Variants in MTUS2 observed in about 807,000 individuals in gnomAD.
MTUS2 encodes microtubule associated scaffold protein 2.
A neutral mutation model predicts 114.1 loss-of-function variants in MTUS2; 40 were observed. The observed-to-expected ratio is 0.35, with a 90% CI of 0.27 to 0.46. The LOEUF (loss-of-function observed/expected upper bound fraction) is 0.46. Among genes scored for constraint, MTUS2 ranks in the 20% least tolerant of loss-of-function variants. The probability of loss-of-function intolerance (pLI) is 1.00; values close to 1 mark genes in which losing one functional copy is unlikely to be tolerated. For missense variants in MTUS2, 1,679 were observed against 1,705.4 expected, an observed-to-expected ratio of 0.98 and a Z score of 0.27; for synonymous variants, 688 against 672.0, an observed-to-expected ratio of 1.02 and a Z score of -0.37.
At chr13:29,019,187 G>A (rs924179272) in intron 2 of MTUS2, among the ~76,000 whole-genome samples, 1 of 152,060 alleles carries the variant, frequency 6.6e-6, no homozygotes, top group African/African-American at 2.4e-5. Flanking sequence ...TGATGCTCTC[G>A]TGGACAAGAT....
intron 2 of MTUS2, among the ~76,000 whole-genome samples, chr13:29,004,946 C>T (rs373894341): frequency 3.3e-5 from 5 of 152,122 alleles, no homozygotes; most frequent in Admixed American, 6.5e-5. Context: ...GTGCAGTTGT[C>T]GAGTGCTTGA....
At chr13:28,897,963 A>C (rs913799845) in intron 2 of MTUS2, among the ~76,000 whole-genome samples, 3 of 151,768 alleles carry the variant, frequency 2.0e-5, no homozygotes, top group Non-Finnish European at 2.9e-5. Flanking sequence ...TGACGAGTTA[A>C]TGGGTGCAGC....
chr13:29,469,693 G>A (rs145726888), intron 9 of MTUS2, among the ~76,000 whole-genome samples: 170 of 151,614 alleles, frequency 1.1e-3, no homozygotes, highest in African/African-American at 4.0e-3. Flanking sequence ...CATAATCCCA[G>A]AAATTTGGAA....
At chr13:28,828,083 G>A (rs188435716) in intron 1 of MTUS2, among the ~76,000 whole-genome samples, 15 of 152,232 alleles carry the variant, frequency 9.9e-5, no homozygotes, top group East Asian at 5.8e-4. Context: ...ATCCACAACC[G>A]TAAAAGACAG....
intron 2 of MTUS2, among the ~76,000 whole-genome samples, chr13:28,922,959 T>G (rs895949102): frequency 6.6e-6 from 1 of 152,226 alleles, no homozygotes; most frequent in African/African-American, 2.4e-5. Flanking sequence ...TTTCCTTTCC[T>G]TCTGAAACTC....
intron 11 of MTUS2, among the ~76,000 whole-genome samples, chr13:29,490,578 T>G (rs1054056731): frequency 6.6e-6 from 1 of 152,280 alleles, no homozygotes; most frequent in African/African-American, 2.4e-5. Context: ...ATGACACTTT[T>G]CACGGAACAG....
At chr13:28,988,146 A>G (rs1023672102) in intron 2 of MTUS2, among the ~76,000 whole-genome samples, 1 of 152,266 alleles carries the variant, frequency 6.6e-6, no homozygotes, top group African/African-American at 2.4e-5. Flanking sequence ...AAGAAACAGC[A>G]TAAGAATCCA....
At chr13:29,298,327 G>A (rs561459401) in intron 6 of MTUS2, among the ~76,000 whole-genome samples, 1 of 152,206 alleles carries the variant, frequency 6.6e-6, no homozygotes, top group South Asian at 2.1e-4. Flanking sequence ...ACATTCCCTG[G>A]GAATAGGCTG....
At chr13:29,376,039 ATG>A (rs71090249) in intron 8 of MTUS2, among the ~76,000 whole-genome samples, 28,586 of 126,322 alleles carry the variant, frequency 0.23, 2,881 homozygotes, top group Middle Eastern at 0.28. Context: ...ATATATATAT[ATG>A]TGTGTGTGTG....
chr13:29,424,368 G>A (rs1593428938), intron 8 of MTUS2, among the ~76,000 whole-genome samples: 1 of 95,716 alleles, frequency 1.0e-5, no homozygotes, highest in Non-Finnish European at 2.1e-5. Flanking sequence ...GTATATCAAA[G>A]AAGTCACCCC....
intron 2 of MTUS2, among the ~76,000 whole-genome samples, chr13:28,892,783 C>T (rs1364632732): frequency 6.6e-6 from 1 of 152,124 alleles, no homozygotes; most frequent in East Asian, 1.9e-4. Context: ...GAGCTTATGG[C>T]CTTGCAATGA....
At chr13:28,974,754 G>A (rs1884012745) in intron 2 of MTUS2, among the ~76,000 whole-genome samples, 1 of 152,122 alleles carries the variant, frequency 6.6e-6, no homozygotes, top group African/African-American at 2.4e-5. Flanking sequence ...GGGGCTAATA[G>A]TAAGAGGAAA....
chr13:29,275,460 G>T (rs1898028962), intron 5 of MTUS2, among the ~76,000 whole-genome samples: 1 of 151,984 alleles, frequency 6.6e-6, no homozygotes, highest in Admixed American at 6.6e-5. Context: ...TAAATACTAG[G>T]TCTTATTTAT....
intron 2 of MTUS2, among the ~76,000 whole-genome samples, chr13:28,968,175 A>T (rs1298248120): frequency 6.6e-6 from 1 of 152,120 alleles, no homozygotes; most frequent in Non-Finnish European, 1.5e-5. Context: ...TTTTTTTCAT[A>T]AAAGTTAGTT....
At chr13:29,406,013 T>C (rs772003796) in intron 8 of MTUS2, among the ~76,000 whole-genome samples, 62 of 152,206 alleles carry the variant, frequency 4.1e-4, no homozygotes, top group Non-Finnish European at 8.4e-4. Context: ...AGTGCTGGGA[T>C]TACAGGCGTG....
intron 2 of MTUS2, among the ~76,000 whole-genome samples, chr13:29,018,602 A>G (rs1886163213): frequency 6.6e-6 from 1 of 152,166 alleles, no homozygotes; most frequent in Non-Finnish European, 1.5e-5. Flanking sequence ...CTCTACTAAA[A>G]TACAAAAATT....
intron 2 of MTUS2, among the ~76,000 whole-genome samples, chr13:28,946,937 A>G (rs777860163): frequency 1.3e-5 from 2 of 152,198 alleles, no homozygotes; most frequent in Admixed American, 1.3e-4. Context: ...GAGCTTTAGC[A>G]TTCCCAAAGC....
chr13:29,290,603 T>C (rs1233605143), intron 6 of MTUS2, among the ~76,000 whole-genome samples: 1 of 152,294 alleles, frequency 6.6e-6, no homozygotes, highest in African/African-American at 2.4e-5. Context: ...GTGCTGGGAT[T>C]ACAGGCGTTA....
At chr13:29,126,144 G>T (rs1891505304) in intron 5 of MTUS2, among the ~76,000 whole-genome samples, 1 of 152,110 alleles carries the variant, frequency 6.6e-6, no homozygotes, top group Non-Finnish European at 1.5e-5. Context: ...AATGAGGTTG[G>T]TGGGCTGTCC....
Sources: allele counts gnomAD v4.1 joint callset (sites outside exome capture counted in the v4.1 genomes callset), GRCh38; gene constraint gnomAD v4.1.1; transcripts MANE v1.5; gene names NCBI Gene and HGNC (gene_info 2026-07-23, HGNC 2026-07-21).